The following ARMH1 variants were observed in gnomAD, a reference collection of about 807,000 sequenced individuals.
ARMH1 encodes armadillo-like helical domain containing protein 1.
A neutral mutation model predicts 50.2 loss-of-function variants in ARMH1; 34 were observed. The observed-to-expected ratio is 0.68, with a 90% CI of 0.51 to 0.90. The LOEUF is 0.90. Ranked by LOEUF, ARMH1 falls within the 40% of genes least tolerant of loss-of-function variation. The probability of loss-of-function intolerance (pLI) is 0.00; values close to 1 mark genes in which losing one functional copy is unlikely to be tolerated. For missense variants in ARMH1, 538 were observed against 553.9 expected (o/e 0.97, Z 0.29); for synonymous variants, 221 against 224.2 (o/e 0.99, Z 0.13).
intron 6 of ARMH1, among the ~76,000 whole-genome samples, chr1:44,709,536 G>C (rs1434776078): frequency 6.6e-6 from 1 of 152,148 alleles, no homozygotes; most frequent in Non-Finnish European, 1.5e-5. Context: ...GCCGGGCGTA[G>C]TGGCATGCGC....
intron 6 of ARMH1, among the ~76,000 whole-genome samples, chr1:44,705,884 G>A (rs919917387): frequency 2.0e-5 from 3 of 152,164 alleles, no homozygotes; most frequent in Non-Finnish European, 4.4e-5. Flanking sequence ...GATTTGGGAA[G>A]GTCGAAAGGA....
chr1:44,689,804 T>C lies in ARMH1; in HGVS notation c.107T>C (p.Ile36Thr), dbSNP rs1437975818. Reference sequence around the variant, plus strand: ...AGGAGTCACATCCTCGACAAGTTCATTGAAACCAACCAAGGCAAGACTGCC... The same window carrying C: ...AGGAGTCACATCCTCGACAAGTTCACTGAAACCAACCAAGGCAAGACTGCC... Reference protein sequence around the residue: ...VARSHILDKFIETNQGKTAPE... With the variant: ...VARSHILDKFTETNQGKTAPE... The change falls in exon 2 of 12, where the codon ATT becomes ACT. Residue 36 changes from isoleucine (I) to threonine (T), a missense_variant. By Grantham distance (89) the Ile-to-Thr change is moderately conservative (BLOSUM62 -1). Coordinates refer to ENST00000535358, the MANE Select transcript of ARMH1 (RefSeq NM_001145636.2). 1 of 1,551,812 alleles carries C rather than the reference T, an allele frequency of 6.4e-7. No individual in the cohort carries two copies. Among genetic ancestry groups the C allele is most frequent in the Admixed American group, 2.0e-5 (1 of 50,992 alleles).
In ARMH1 at chr1:44,704,169, T is replaced by C. The variant is rs1343503560; in HGVS notation, c.720T>C (p.Tyr240=). 1.3e-6 allele frequency: 2 copies of C among 1,550,958 alleles called. No individual in the cohort carries two copies. Among genetic ancestry groups the C allele is most frequent in the Non-Finnish European group, 8.7e-7 (1 of 1,146,618 alleles). ...GCACGATGCACCTGGAAGTCCAGTA[T>C]GAAGGTAGGGAGCCTCCAGATTGCA... ...VLGTMHLEVQ[Y]EAIELIKDLV... The change falls in exon 6 of 12, where the codon TAT becomes TAC. Residue 240 remains tyrosine, a synonymous_variant. Transcript: ENST00000535358.
At chr1:44,723,898 C>A in intron 6 of ARMH1, 1 of 524,550 alleles carries the variant, frequency 1.9e-6, no homozygotes. Context: ...TCCTAGGCCG[C>A]CTCGACAGGT....
In ARMH1 at chr1:44,716,911, C is replaced by T. The variant is rs550076869; in HGVS notation, c.725-7211C>T. On this transcript the variant is annotated intron_variant, in intron 6 of 11. Transcript: ENST00000535358. ...TGTAACCTAGGCTGGAGTGCAGTGG[C>T]GCGATCTCGGCTCATTGCAACCTCT... Among the ~76,000 whole-genome samples, 6 of 148,076 alleles carry T rather than the reference C, an allele frequency of 4.1e-5. No homozygotes were observed. The South Asian group carries it at 8.5e-4, about 21-fold the overall frequency.
chr1:44,722,420 G>A (rs1452786387), intron 6 of ARMH1, among the ~76,000 whole-genome samples: 1 of 151,996 alleles, frequency 6.6e-6, no homozygotes, highest in Non-Finnish European at 1.5e-5. Flanking sequence ...TTAAAAAAAA[G>A]TCCAGGCGTG....
intron 5 of ARMH1, 94 bp downstream of exon 5, chr1:44,701,213 C>G (rs143884786): frequency 8.1e-7 from 1 of 1,235,642 alleles, no homozygotes; most frequent in Non-Finnish European, 1.1e-6. Context: ...GCATGAGAAA[C>G]GGAGCTCAGC....
rs116241480 is a variant in ARMH1 at position 44,696,531 on chromosome 1, C to T, written c.207-571C>T. ...ATTATAATGAGGCTTTTTGCAAAGACTCACATTAAAAAATAACATTAAATA... is the reference window on the plus strand; with the variant it reads ...ATTATAATGAGGCTTTTTGCAAAGATTCACATTAAAAAATAACATTAAATA... On this transcript the variant is annotated intron_variant, in intron 2 of 11. Transcript: ENST00000535358. Among the ~76,000 whole-genome samples the T allele has an allele frequency of 3.5e-3, 527 of 152,218 alleles. 5 individuals carry two copies. Among genetic ancestry groups the T allele is most frequent in the African/African-American group, 0.012 (493 of 41,532 alleles).
intron 1 of ARMH1, among the ~76,000 whole-genome samples, chr1:44,676,053 A>G (rs768983551): frequency 6.6e-6 from 1 of 152,176 alleles, no homozygotes; most frequent in Non-Finnish European, 1.5e-5. Context: ...GGGAAGGATT[A>G]TGGTGGCACA....
intron 6 of ARMH1, chr1:44,721,828 C>A (rs76782695): frequency 1.3e-5 from 2 of 152,136 alleles, no homozygotes; most frequent in Admixed American, 6.6e-5. Context: ...ACCATAAACT[C>A]ATAGTTGTTT....
intron 2 of ARMH1, among the ~76,000 whole-genome samples, chr1:44,694,250 G>T (rs903703936): frequency 6.6e-6 from 1 of 152,078 alleles, no homozygotes; most frequent in Non-Finnish European, 1.5e-5. Flanking sequence ...AATAGACTGC[G>T]TGATGTGATA....
chr1:44,688,945 T>G (rs918068158), intron 1 of ARMH1, among the ~76,000 whole-genome samples: 1 of 152,160 alleles, frequency 6.6e-6, no homozygotes, highest in African/African-American at 2.4e-5. Flanking sequence ...AAGGAGCACT[T>G]TAACTTAGGT....
Position 44,693,851 on chromosome 1 carries a change from C to G in ARMH1, c.207-3251C>G, listed in dbSNP as rs528378916. 2.8e-4 allele frequency among the ~76,000 whole-genome samples: 42 copies of G among 152,202 alleles called. No individual in the cohort carries two copies. The South Asian group carries it at 7.7e-3, about 28-fold the overall frequency. On this transcript the variant is annotated intron_variant, in intron 2 of 11. Coordinates refer to ENST00000535358, the MANE Select transcript of ARMH1 (RefSeq NM_001145636.2). ...TTTTGGTGCCCCTTTTAATTTCAGA[C>G]CCCAAGCAAGTGCCTCCCTCACCTC...
chr1:44,707,382 C>T (rs1031865392), intron 6 of ARMH1, among the ~76,000 whole-genome samples: 1 of 152,178 alleles, frequency 6.6e-6, no homozygotes, highest in African/African-American at 2.4e-5. Context: ...CTTTTTCCAA[C>T]TCAGGACCTG....
chr1:44,721,056 A>C (rs542472033), intron 6 of ARMH1, among the ~76,000 whole-genome samples: 2 of 152,052 alleles, frequency 1.3e-5, no homozygotes, highest in East Asian at 3.9e-4. Context: ...CAAAACAAAA[A>C]AAGGGCAAAA....
intron 5 of ARMH1, among the ~76,000 whole-genome samples, chr1:44,701,650 C>G (rs541946604): frequency 1.3e-5 from 2 of 152,110 alleles, no homozygotes; most frequent in African/African-American, 4.8e-5. Context: ...ACCATCAGAC[C>G]GGGTGCAGTG....
chr1:44,714,974 G>A (rs929088468), intron 6 of ARMH1, among the ~76,000 whole-genome samples: 5 of 151,890 alleles, frequency 3.3e-5, no homozygotes, highest in Non-Finnish European at 7.4e-5. Context: ...TCAAACTCTT[G>A]GGCTCAAGCG....
chr1:44,709,438 C>T (rs547245667), intron 6 of ARMH1, among the ~76,000 whole-genome samples: 174 of 152,208 alleles, frequency 1.1e-3, no homozygotes, highest in African/African-American at 2.5e-3. Context: ...TTTGGGAGGC[C>T]AAGGGGGGCG....
intron 4 of ARMH1, among the ~76,000 whole-genome samples, chr1:44,698,782 C>T (rs906993999): frequency 3.4e-5 from 5 of 148,838 alleles, no homozygotes; most frequent in Non-Finnish European, 5.9e-5. Flanking sequence ...CATTGCACTC[C>T]AGCCTGGGCA....
Sources: allele counts gnomAD v4.1 joint callset (sites outside exome capture counted in the v4.1 genomes callset), GRCh38; gene constraint gnomAD v4.1.1; transcripts MANE v1.5; gene names NCBI Gene and HGNC (gene_info 2026-07-23, HGNC 2026-07-21).